Variants in WAC observed in about 807,000 individuals in gnomAD.
WAC encodes the protein WW domain-containing adapter protein with coiled-coil.
WAC carries 11 observed loss-of-function variants against 79.6 expected under a neutral mutation model. That is an observed-to-expected ratio of 0.14 (90% confidence interval 0.09 to 0.23). The LOEUF (loss-of-function observed/expected upper bound fraction) is 0.23, where lower values mean the gene tolerates loss of function less well. Ranked by LOEUF, WAC falls within the 10% of genes least tolerant of loss-of-function variation. WAC has a pLI of 1.00. For synonymous variants in WAC, 304 were observed against 276.9 expected (o/e 1.10, Z -0.97); for missense variants, 728 against 773.5 (o/e 0.94, Z 0.70).
intron 3 of WAC, among the ~76,000 whole-genome samples, chr10:28,555,312 T>C (rs771026966): frequency 1.3e-5 from 2 of 152,220 alleles, no homozygotes; most frequent in East Asian, 1.9e-4. Flanking sequence ...CTCTGAGTTA[T>C]GCTCTTCACT....
intron 3 of WAC, among the ~76,000 whole-genome samples, chr10:28,582,617 AATCTAGAATTAAGG>A (rs1839595750): frequency 6.6e-6 from 1 of 152,184 alleles, no homozygotes; most frequent in Admixed American, 6.5e-5. Flanking sequence ...GTTGCTGAAA[AATCTAGAATTAAGG>A]AATGATATTG....
intron 4 of WAC, among the ~76,000 whole-genome samples, chr10:28,585,415 C>T (rs948437635): frequency 4.6e-5 from 7 of 152,152 alleles, no homozygotes; most frequent in Non-Finnish European, 8.8e-5. Flanking sequence ...GAGTAATTTG[C>T]ACTGTCCCAG....
At chr10:28,602,687 A>G (rs1218957413) in intron 7 of WAC, among the ~76,000 whole-genome samples, 1 of 152,222 alleles carries the variant, frequency 6.6e-6, no homozygotes, top group Non-Finnish European at 1.5e-5. Context: ...CCAGAAAAAT[A>G]TAGGTAAGAA....
chr10:28,592,481 TGTG>T (rs1329147395), intron 6 of WAC, among the ~76,000 whole-genome samples: 1 of 151,882 alleles, frequency 6.6e-6, no homozygotes, highest in African/African-American at 2.4e-5. Flanking sequence ...GTTATCTAGG[TGTG>T]GTGGTGAATG....
chr10:28,567,553 G>A (rs1054301788), intron 3 of WAC, among the ~76,000 whole-genome samples: 9 of 152,080 alleles, frequency 5.9e-5, no homozygotes, highest in Non-Finnish European at 1.2e-4. Context: ...TTACACCTGG[G>A]GATCCAGGCA....
chr10:28,583,550 T>G, intron 4 of WAC, 45 bp downstream of exon 4: 1 of 1,167,996 alleles, frequency 8.6e-7, no homozygotes, highest in Non-Finnish European at 1.1e-6. Context: ...TGGAATTTTT[T>G]GCAAAAAAAA....
chr10:28,534,351 C>T (rs577759873), intron 2 of WAC: 4 of 324,262 alleles, frequency 1.2e-5, no homozygotes, highest in Middle Eastern at 8.3e-4. Flanking sequence ...TGATAGGTGA[C>T]TTACGAGGCT....
chr10:28,548,087 A>G (rs1837461413), intron 3 of WAC, among the ~76,000 whole-genome samples: 1 of 150,262 alleles, frequency 6.7e-6, no homozygotes, highest in Non-Finnish European at 1.5e-5. Flanking sequence ...TGCCTGGCTA[A>G]TTTTTTTTTA....
At chr10:28,601,955 G>A (rs963130527) in intron 7 of WAC, among the ~76,000 whole-genome samples, 1 of 152,178 alleles carries the variant, frequency 6.6e-6, no homozygotes, top group African/African-American at 2.4e-5. Flanking sequence ...TTCTGGAGAC[G>A]TATAGTGGTG....
intron 3 of WAC, among the ~76,000 whole-genome samples, chr10:28,547,348 A>G (rs1837408246): frequency 6.6e-6 from 1 of 152,170 alleles, no homozygotes; most frequent in African/African-American, 2.4e-5. Context: ...CAGCCTGGCC[A>G]ACATGGTGAA....
In WAC at chr10:28,533,480, G is replaced by A. The variant is rs1836390624; in HGVS notation, c.-100G>A. The A allele has an allele frequency of 4.2e-6, 3 of 707,588 alleles. No homozygotes were observed. The highest frequency in any genetic ancestry group is 5.3e-6 in the Non-Finnish European group (3 of 566,420). The allele number at this position is 707,588 out of a possible 1,614,324, so 43.8% of individuals were successfully genotyped here. A position where few individuals can be genotyped will look rare whatever the true frequency, so the allele number is the denominator to read the frequency against. ...CGAGGGCGCGCCGGGCCCAGGTGCC[G>A]GGGCTGCCCGCCGCCCGCCGCCGCC... On this transcript the variant is annotated 5_prime_UTR_variant, in exon 1 of 14. Transcript: ENST00000354911.
intron 3 of WAC, among the ~76,000 whole-genome samples, chr10:28,572,697 G>C (rs937231208): frequency 2.0e-5 from 3 of 152,056 alleles, no homozygotes; most frequent in African/African-American, 2.4e-5. Context: ...TGTAATCCCA[G>C]CTACTTGGGA....
chr10:28,608,148 T>C, intron 7 of WAC, 38 bp from the exon 8 acceptor site: 1 of 1,609,606 alleles, frequency 6.2e-7, no homozygotes, highest in Non-Finnish European at 8.5e-7. Context: ...ATTTTCTCTA[T>C]TCAGGTAATT....
chr10:28,604,769 C>T (rs1840855559), intron 7 of WAC, among the ~76,000 whole-genome samples: 1 of 152,084 alleles, frequency 6.6e-6, no homozygotes, highest in African/African-American at 2.4e-5. Context: ...GCTCATGTTC[C>T]TAGTACAAAG....
Position 28,622,854 on chromosome 10 carries a change from A to T in WAC, c.*3248A>T, listed in dbSNP as rs889185127. Reference sequence around the variant, plus strand: ...ACGCGGGAAATAATTCACTCTGCGCACCGGAACTATTGTAGTTCAGGACTT... The same window carrying T: ...ACGCGGGAAATAATTCACTCTGCGCTCCGGAACTATTGTAGTTCAGGACTT... On this transcript the variant is annotated 3_prime_UTR_variant, in exon 14 of 14. Coordinates refer to ENST00000354911, the MANE Select transcript of WAC (RefSeq NM_016628.5). The T allele has an allele frequency of 6.6e-6, 1 of 152,104 alleles. No homozygotes were observed. Among genetic ancestry groups the T allele is most frequent in the Non-Finnish European group, 1.5e-5 (1 of 67,988 alleles). 9.4% of individuals were successfully genotyped at this position (152,104 alleles called of 1,614,324 possible). A position where few individuals can be genotyped will look rare whatever the true frequency, so the allele number is the denominator to read the frequency against.
intron 10 of WAC, 86 bp from the exon 11 acceptor site, chr10:28,614,481 A>T: frequency 9.1e-7 from 1 of 1,097,728 alleles, no homozygotes; most frequent in Non-Finnish European, 1.4e-6. Flanking sequence ...GCCACATTTT[A>T]CATGTTTCAA....
chr10:28,597,524 G>C (rs780571484), intron 7 of WAC, among the ~76,000 whole-genome samples: 5 of 151,978 alleles, frequency 3.3e-5, no homozygotes, highest in Non-Finnish European at 5.9e-5. Flanking sequence ...GCCTATTTCT[G>C]TTCCTTCCTG....
chr10:28,567,793 A>C (rs1838729485), intron 3 of WAC, among the ~76,000 whole-genome samples: 1 of 152,018 alleles, frequency 6.6e-6, no homozygotes. Flanking sequence ...CCCACTTTAT[A>C]GCCCAAGCTG....
In WAC at chr10:28,554,923, A is replaced by T. The variant is rs114290611; in HGVS notation, c.274+19166A>T. 1.2e-3 allele frequency among the ~76,000 whole-genome samples: 181 copies of T among 152,266 alleles called. 1 individual carries two copies. The highest frequency in any genetic ancestry group is 4.2e-3 in the African/African-American group (175 of 41,546). The stretch of plus-strand genomic sequence containing the variant: ...CTTATTTTTCAGGCTTCAACTTAAA[A>T]GTTACTTCCTCTGTCCTCTCAACCC... On this transcript the variant is annotated intron_variant, in intron 3 of 13. Coordinates refer to ENST00000354911, the MANE Select transcript of WAC (RefSeq NM_016628.5).
Sources: allele counts gnomAD v4.1 joint callset (sites outside exome capture counted in the v4.1 genomes callset), GRCh38; gene constraint gnomAD v4.1.1; transcripts MANE v1.5; gene names NCBI Gene and HGNC (gene_info 2026-07-23, HGNC 2026-07-21).